Variants in TRIM67 observed in about 807,000 individuals in gnomAD.
TRIM67 encodes tripartite motif containing 67.
A neutral mutation model predicts 71.0 loss-of-function variants in TRIM67; 39 were observed. The observed-to-expected ratio is 0.55, with a 90% CI of 0.43 to 0.72. The LOEUF (loss-of-function observed/expected upper bound fraction) is 0.72, where lower values mean the gene tolerates loss of function less well. Among genes scored for constraint, TRIM67 ranks in the 30% least tolerant of loss-of-function variants. The pLI, the probability that TRIM67 is intolerant of heterozygous loss-of-function variation, is 0.00. For missense variants in TRIM67, 973 were observed against 1,079.2 expected (o/e 0.90, Z 1.38); for synonymous variants, 481 against 473.9 (o/e 1.01, Z -0.19).
intron 9 of TRIM67, among the ~76,000 whole-genome samples, chr1:231,214,802 A>G (rs896133019): frequency 2.7e-5 from 4 of 148,846 alleles, no homozygotes; most frequent in East Asian, 2.0e-4. Flanking sequence ...AAAAAAAAAA[A>G]GATAGGCTTA....
In TRIM67 at chr1:231,162,576, G is replaced by T; in HGVS notation, c.-394G>T. Reference sequence around the variant, plus strand: ...GGAGCCAGGGGCTGAAGCAGCGAGCGCACAGCAGCCCGGCCGCTGGTCCTG... The same window carrying T: ...GGAGCCAGGGGCTGAAGCAGCGAGCTCACAGCAGCCCGGCCGCTGGTCCTG... On this transcript the variant is annotated 5_prime_UTR_variant, in exon 1 of 10. Coordinates refer to ENST00000366653, the MANE Select transcript of TRIM67 (RefSeq NM_001004342.5). 1 of 214,224 alleles carries T rather than the reference G, an allele frequency of 4.7e-6. No individual in the cohort carries two copies. Among genetic ancestry groups the T allele is most frequent in the Non-Finnish European group, 9.2e-6 (1 of 108,736 alleles). The allele number at this position is 214,224 out of a possible 1,614,324, so 13.3% of individuals were successfully genotyped here. A position where few individuals can be genotyped will look rare whatever the true frequency, so the allele number is the denominator to read the frequency against.
At position 231,162,650 on chromosome 1, in the gene TRIM67, T is replaced by G; in HGVS notation, c.-320T>G. The G allele has an allele frequency of 4.0e-5, 11 of 277,880 alleles. No individual in the cohort carries two copies. Among genetic ancestry groups the G allele is most frequent in the East Asian group, 8.3e-5 (1 of 12,018 alleles). 17.2% of individuals were successfully genotyped at this position (277,880 alleles called of 1,614,324 possible). A position where few individuals can be genotyped will look rare whatever the true frequency, so the allele number is the denominator to read the frequency against. Reference sequence around the variant, plus strand: ...CAGCCGGCGGCGGCGCTGGTGCTGATTCATCACCTAAAGCTCCTCGCAGGC... The same window carrying G: ...CAGCCGGCGGCGGCGCTGGTGCTGAGTCATCACCTAAAGCTCCTCGCAGGC... On this transcript the variant is annotated 5_prime_UTR_variant, in exon 1 of 10. Coordinates refer to ENST00000366653, the MANE Select transcript of TRIM67 (RefSeq NM_001004342.5).
At chr1:231,177,190 T>C (rs1682776730) in intron 1 of TRIM67, among the ~76,000 whole-genome samples, 1 of 152,232 alleles carries the variant, frequency 6.6e-6, no homozygotes, top group South Asian at 2.1e-4. Flanking sequence ...TCCTTAGGTA[T>C]GAATGAGCAC....
chr1:231,217,108 A>AC lies in TRIM67; in HGVS notation c.*1675dup, dbSNP rs759158551. 5.4e-5 allele frequency: 53 copies of AC among 984,454 alleles called. No individual in the cohort carries two copies. The East Asian group carries it at 5.7e-4, about 11-fold the overall frequency. 61.0% of individuals were successfully genotyped at this position (984,454 alleles called of 1,614,324 possible). On this transcript the variant is annotated 3_prime_UTR_variant, in exon 10 of 10. Coordinates refer to ENST00000366653, the MANE Select transcript of TRIM67 (RefSeq NM_001004342.5). ...AACTGCCTGCCGGAGCCATGCAGGT[A>AC]CCCCCCCTCCACTCAGCAGGCCCGA...
intron 6 of TRIM67, 105 bp from the exon 7 acceptor site, chr1:231,206,547 C>T: frequency 8.1e-7 from 1 of 1,227,656 alleles, no homozygotes; most frequent in Non-Finnish European, 1.1e-6. Context: ...TGGGACTACA[C>T]CTGGCAACAG....
At position 231,163,396 on chromosome 1, in the gene TRIM67, CG is replaced by C; in HGVS notation, c.431del (p.Gly144ValfsTer173). ...APPGSSAAAA[R>X]GAACSSLSSS... ...ACCCGGCTCCTCGGCTGCGGCGGCT[CG>C]GGGTGCCGCCTGCTCCTCGCTGTCC... is the stretch of plus-strand genomic sequence containing the variant. On this transcript the variant is annotated frameshift_variant, in exon 1 of 10. Transcript: ENST00000366653. LOFTEE classifies it high-confidence loss of function. The C allele has an allele frequency of 6.5e-7, 1 of 1,535,972 alleles. No individual in the cohort carries two copies. Among genetic ancestry groups the C allele is most frequent in the Non-Finnish European group, 8.7e-7 (1 of 1,143,216 alleles).
intron 7 of TRIM67, among the ~76,000 whole-genome samples, chr1:231,208,048 T>C (rs1188056808): frequency 6.6e-6 from 1 of 151,312 alleles, no homozygotes; most frequent in East Asian, 1.9e-4. Context: ...CCCACTCTGT[T>C]GCCCAGGCTG....
intron 1 of TRIM67, among the ~76,000 whole-genome samples, chr1:231,189,865 C>A (rs1425145193): frequency 6.6e-6 from 1 of 152,132 alleles, no homozygotes; most frequent in East Asian, 1.9e-4. Flanking sequence ...TGAAGTTGAA[C>A]GATGCCAGGA....
chr1:231,189,066 A>G (rs1284504673), intron 1 of TRIM67, among the ~76,000 whole-genome samples: 1 of 152,178 alleles, frequency 6.6e-6, no homozygotes, highest in Admixed American at 6.5e-5. Flanking sequence ...CCAGGTAGAA[A>G]CAGACCCTCA....
intron 6 of TRIM67, 52 bp downstream of exon 6, chr1:231,204,064 A>G: frequency 6.2e-7 from 1 of 1,604,698 alleles, no homozygotes; most frequent in Non-Finnish European, 8.5e-7. Context: ...ATGCAGAGGC[A>G]GGAGTGGCTC....
At chr1:231,195,365 A>G (rs1289614381) in intron 1 of TRIM67, among the ~76,000 whole-genome samples, 1 of 152,234 alleles carries the variant, frequency 6.6e-6, no homozygotes, top group Non-Finnish European at 1.5e-5. Flanking sequence ...GCTAGCGGCT[A>G]CCGTCAGGGA....
intron 5 of TRIM67, 45 bp from the exon 6 acceptor site, chr1:231,203,822 C>T (rs962870525): frequency 6.3e-7 from 1 of 1,587,384 alleles, no homozygotes; most frequent in Non-Finnish European, 8.6e-7. Flanking sequence ...GGGCTGGGGC[C>T]CTCGGAGGGC....
chr1:231,218,336 A>G lies in TRIM67; in HGVS notation c.*2896A>G, dbSNP rs900640872. 10 of 986,472 alleles carry G rather than the reference A, an allele frequency of 1.0e-5. No homozygotes were observed. Among genetic ancestry groups the G allele is most frequent in the African/African-American group, 1.7e-5 (1 of 57,272 alleles). The allele number at this position is 986,472 out of a possible 1,614,324, so 61.1% of individuals were successfully genotyped here. Reference sequence around the variant, plus strand: ...CTGGCTGAGGAGTAACTTGGTGTAAATCTATCAAGCAGTTTCAGTGAAAAA... The same window carrying G: ...CTGGCTGAGGAGTAACTTGGTGTAAGTCTATCAAGCAGTTTCAGTGAAAAA... On this transcript the variant is annotated 3_prime_UTR_variant, in exon 10 of 10. Transcript: ENST00000366653.
In TRIM67 at chr1:231,218,512, A is replaced by G. The variant is rs1684069495; in HGVS notation, c.*3072A>G. The G allele has an allele frequency of 1.0e-6, 1 of 985,320 alleles. No individual in the cohort carries two copies. The highest frequency in any genetic ancestry group is 1.2e-6 in the Non-Finnish European group (1 of 829,952). The allele number at this position is 985,320 out of a possible 1,614,324, so 61.0% of individuals were successfully genotyped here. Reference sequence around the variant, plus strand: ...AAATTAATCTCTTCCGAAAATATCCACTAGCACCTCACTGCATACATAGCA... The same window carrying G: ...AAATTAATCTCTTCCGAAAATATCCGCTAGCACCTCACTGCATACATAGCA... On this transcript the variant is annotated 3_prime_UTR_variant, in exon 10 of 10. Coordinates refer to ENST00000366653, the MANE Select transcript of TRIM67 (RefSeq NM_001004342.5).
Position 231,163,296 on chromosome 1 carries a change from C to T in TRIM67, c.327C>T (p.Asp109=). 3.3e-6 allele frequency: 5 copies of T among 1,518,646 alleles called. No homozygotes were observed. The highest frequency in any genetic ancestry group is 4.4e-6 in the Non-Finnish European group (5 of 1,132,528). The allele number at this position is 1,518,646 out of a possible 1,614,324, so 94.1% of individuals were successfully genotyped here. The change falls in exon 1 of 10, where the codon GAC becomes GAT. Residue 109 remains aspartate, a synonymous_variant. Coordinates refer to ENST00000366653, the MANE Select transcript of TRIM67 (RefSeq NM_001004342.5). ...AGCTCAGCTTGTACAGCGAGACAGA[C>T]AGCGGCTACGGGTCCTACACCCCGA... is the stretch of plus-strand genomic sequence containing the variant. The part of the protein sequence containing the change: ...ADKLSLYSET[D]SGYGSYTPSL...
In TRIM67 at chr1:231,163,340, G is replaced by C; in HGVS notation, c.371G>C (p.Gly124Ala). 6.5e-7 allele frequency: 1 copy of C among 1,529,488 alleles called. No homozygotes were observed. Among genetic ancestry groups the C allele is most frequent in the Non-Finnish European group, 8.8e-7 (1 of 1,137,980 alleles). 94.7% of individuals were successfully genotyped at this position (1,529,488 alleles called of 1,614,324 possible). Residue 124 changes from glycine to alanine, a missense_variant, in exon 1 of 10, where the codon GGG becomes GCG. Gly to Ala is a moderately conservative substitution (Grantham distance 60). Around this residue, in one of 2 missense-constraint regions of TRIM67, gnomAD observed 795 missense variants for 831.3 expected, o/e 0.96. Coordinates refer to ENST00000366653, the MANE Select transcript of TRIM67 (RefSeq NM_001004342.5). ...ACCCCGAGCCTCAAGTCCCCCAACG[G>C]GGTTCGCGTGCTGCCCATGGTGCCC... is the stretch of plus-strand genomic sequence containing the variant. ...SYTPSLKSPNGVRVLPMVPAP... is the reference protein window; with the variant it reads ...SYTPSLKSPNAVRVLPMVPAP...
chr1:231,167,404 G>T lies in TRIM67; in HGVS notation c.1044+3391G>T, dbSNP rs1040485503. On this transcript the variant is annotated intron_variant, in intron 1 of 9. Coordinates refer to ENST00000366653, the MANE Select transcript of TRIM67 (RefSeq NM_001004342.5). ...GTGGCGGGATCTCGGCTCACTGCAA[G>T]CTCCGCCTCCCGGGTTCACGCCATT... Among the ~76,000 whole-genome samples, 2 of 93,788 alleles carry T rather than the reference G, an allele frequency of 2.1e-5. 1 individual carries two copies. The highest frequency in any genetic ancestry group is 1.4e-4 in the African/African-American group (2 of 14,240). The allele number at this position is 93,788 out of a possible 152,430, so 61.5% of individuals were successfully genotyped here.
chr1:231,194,942 C>T (rs1683329702), intron 1 of TRIM67, among the ~76,000 whole-genome samples: 1 of 152,102 alleles, frequency 6.6e-6, no homozygotes, highest in Admixed American at 6.5e-5. Context: ...GTTGCCCAGG[C>T]TGGTCTTGAA....
rs1193062912 is a variant in TRIM67 at position 231,206,810 on chromosome 1, A to C, written c.1819+20A>C. On this transcript the variant is annotated intron_variant, in intron 7 of 9. Coordinates refer to ENST00000366653, the MANE Select transcript of TRIM67 (RefSeq NM_001004342.5). ...CCGATGGTGAGCATCGGGATCTCTT[A>C]GTGGGAAGAACAGATTCATCATTTT... is the stretch of plus-strand genomic sequence containing the variant. 2 of 1,570,094 alleles carry C rather than the reference A, an allele frequency of 1.3e-6. No homozygotes were observed. The highest frequency in any genetic ancestry group is 1.9e-5 in the Admixed American group (1 of 53,122).
Sources: allele counts gnomAD v4.1 joint callset (sites outside exome capture counted in the v4.1 genomes callset), GRCh38; gene constraint gnomAD v4.1.1; regional missense constraint gnomAD v4.1.1; transcripts MANE v1.5; gene names NCBI Gene and HGNC (gene_info 2026-07-23, HGNC 2026-07-21).